Variants in NME7 observed in about 807,000 individuals in gnomAD.
The protein encoded by NME7 is nucleoside diphosphate kinase 7.
NME7 carries 41 observed loss-of-function variants against 49.1 expected under a neutral mutation model. That is an observed-to-expected ratio of 0.83 (90% CI 0.65 to 1.08). The LOEUF is 1.08. Among genes scored for constraint, NME7 ranks in the 50% least tolerant of loss-of-function variants. The pLI is 0.00. For synonymous variants in NME7, 139 were observed against 150.6 expected (o/e 0.92, Z 0.56); for missense variants, 423 against 463.4 (o/e 0.91, Z 0.80).
intron 10 of NME7, among the ~76,000 whole-genome samples, chr1:169,179,422 C>A (rs1403992613): frequency 6.6e-6 from 1 of 152,106 alleles, no homozygotes; most frequent in Non-Finnish European, 1.5e-5. Flanking sequence ...GACCTAGAGG[C>A]AGAAATACCG....
Position 169,137,684 on chromosome 1 carries a change from C to T in NME7, c.1099-4867G>A, listed in dbSNP as rs118169283. ...GGCTCCCTTTCCCTTTTTGTCTTCC[C>T]TCTCCAAGGCACTACTTACTTTTCA... On this transcript the variant is annotated intron_variant, in intron 11 of 11. Transcript: ENST00000367811. Among the ~76,000 whole-genome samples the T allele has an allele frequency of 3.2e-4, 49 of 152,240 alleles. No individual in the cohort carries two copies. In the East Asian group the frequency reaches 5.0e-3, roughly 16 times the overall value.
At chr1:169,248,033 C>T (rs1349809811) in intron 7 of NME7, among the ~76,000 whole-genome samples, 2 of 152,196 alleles carry the variant, frequency 1.3e-5, no homozygotes, top group South Asian at 4.1e-4. Flanking sequence ...GACAGATCTA[C>T]TTTTAGTTCT....
intron 7 of NME7, among the ~76,000 whole-genome samples, chr1:169,260,225 C>G (rs1405968069): frequency 7.5e-6 from 1 of 133,236 alleles, no homozygotes; most frequent in South Asian, 2.3e-4. Context: ...ATTTATTAAT[C>G]CATTCAAAAA....
At chr1:169,362,335 G>A (rs1653691574) in intron 1 of NME7, among the ~76,000 whole-genome samples, 1 of 152,164 alleles carries the variant, frequency 6.6e-6, no homozygotes, top group Non-Finnish European at 1.5e-5. Context: ...TTCATCTGGA[G>A]TAATGATATT....
intron 6 of NME7, among the ~76,000 whole-genome samples, chr1:169,292,620 C>A (rs1316351155): frequency 1.3e-5 from 2 of 152,028 alleles, no homozygotes; most frequent in Admixed American, 6.6e-5. Context: ...GGCTGGGAGA[C>A]AGATCACTGG....
chr1:169,261,047 G>A (rs559404116), intron 7 of NME7, among the ~76,000 whole-genome samples: 2 of 131,662 alleles, frequency 1.5e-5, no homozygotes, highest in Non-Finnish European at 3.6e-5. Context: ...CTGAATCACC[G>A]TGACTCTGAA....
At chr1:169,348,578 A>G (rs1173679383) in intron 1 of NME7, among the ~76,000 whole-genome samples, 1 of 152,162 alleles carries the variant, frequency 6.6e-6, no homozygotes, top group East Asian at 1.9e-4. Context: ...AACTAATAAA[A>G]TCCATAAAGG....
At chr1:169,331,100 A>C (rs1431967836) in intron 1 of NME7, among the ~76,000 whole-genome samples, 1 of 152,224 alleles carries the variant, frequency 6.6e-6, no homozygotes, top group Non-Finnish European at 1.5e-5. Flanking sequence ...GCAATACATT[A>C]GAAAGATCAT....
At chr1:169,338,347 G>C (rs553645645) in intron 1 of NME7, among the ~76,000 whole-genome samples, 3 of 152,220 alleles carry the variant, frequency 2.0e-5, no homozygotes, top group South Asian at 4.1e-4. Flanking sequence ...GTGATGCAAT[G>C]AACAGAACAC....
chr1:169,212,531 G>C (rs61806243), intron 10 of NME7, among the ~76,000 whole-genome samples: 5 of 88,212 alleles, frequency 5.7e-5, no homozygotes, highest in Non-Finnish European at 1.7e-4. Flanking sequence ...CCCAAATGAG[G>C]GTGAACAAGG....
At chr1:169,309,879 T>A (rs1168911042) in intron 4 of NME7, 91 bp downstream of exon 4, 2 of 794,620 alleles carry the variant, frequency 2.5e-6, no homozygotes, top group Non-Finnish European at 3.9e-6. Flanking sequence ...AATACGAGGT[T>A]TTTTAATTTT....
chr1:169,203,665 T>C (rs1169612134), intron 10 of NME7, among the ~76,000 whole-genome samples: 1 of 152,124 alleles, frequency 6.6e-6, no homozygotes, highest in Non-Finnish European at 1.5e-5. Context: ...GGAATGCTGG[T>C]GGGTTGCCCT....
At chr1:169,274,155 A>C (rs1388158991) in intron 7 of NME7, among the ~76,000 whole-genome samples, 1 of 132,278 alleles carries the variant, frequency 7.6e-6, no homozygotes, top group Admixed American at 7.5e-5. Context: ...AATGATTGCC[A>C]TTCTAACTGG....
Position 169,288,293 on chromosome 1 carries a change from A to G in NME7, c.649-885T>C, listed in dbSNP as rs150690478. Among the ~76,000 whole-genome samples the G allele has an allele frequency of 2.0e-3, 305 of 152,236 alleles. 5 individuals carry two copies. Among genetic ancestry groups the G allele is most frequent in the Admixed American group, 0.019 (292 of 15,272 alleles). On this transcript the variant is annotated intron_variant, in intron 6 of 11. Transcript: ENST00000367811. ...CTGTAGGACCCCTAGCACCTAAAACAATGTCTGGCTCAATGCAAATAGCCC... is the reference window on the plus strand; with the variant it reads ...CTGTAGGACCCCTAGCACCTAAAACGATGTCTGGCTCAATGCAAATAGCCC...
chr1:169,245,763 A>G (rs1354919800), intron 7 of NME7, among the ~76,000 whole-genome samples: 1 of 152,238 alleles, frequency 6.6e-6, no homozygotes, highest in Non-Finnish European at 1.5e-5. Context: ...GTAAAGACAA[A>G]TCAAAAAACT....
At chr1:169,136,246 C>T (rs1658427557) in intron 11 of NME7, among the ~76,000 whole-genome samples, 1 of 152,118 alleles carries the variant, frequency 6.6e-6, no homozygotes, top group Admixed American at 6.5e-5. Context: ...CTGAAATAAC[C>T]AGCAGGTAAA....
chr1:169,179,972 GA>G (rs66982541), intron 10 of NME7, among the ~76,000 whole-genome samples: 89,077 of 143,628 alleles, frequency 0.62, 27,217 homozygotes, highest in East Asian at 0.92. Context: ...ATAAAAGTTG[GA>G]AAAAAAAAAA....
chr1:169,275,421 G>A (rs1371510542), intron 7 of NME7, among the ~76,000 whole-genome samples: 3 of 114,582 alleles, frequency 2.6e-5, no homozygotes, highest in Non-Finnish European at 5.9e-5. Context: ...GGAGCTTGCA[G>A]TGAGTCGAGA....
chr1:169,149,711 G>A (rs996839925), intron 11 of NME7, among the ~76,000 whole-genome samples: 2 of 152,164 alleles, frequency 1.3e-5, no homozygotes, highest in East Asian at 3.8e-4. Context: ...TCCTTCTTGT[G>A]ATGATGAAGG....
Sources: allele counts gnomAD v4.1 joint callset (sites outside exome capture counted in the v4.1 genomes callset), GRCh38; gene constraint gnomAD v4.1.1; transcripts MANE v1.5; gene names NCBI Gene and HGNC (gene_info 2026-07-23, HGNC 2026-07-21).